The following PLPP2 variants were observed in gnomAD, a reference collection of about 807,000 sequenced individuals.
PLPP2 encodes the protein phospholipid phosphatase 2.
Under a neutral mutation model 35.2 loss-of-function variants are expected in PLPP2, and 29 were observed. The observed-to-expected ratio is 0.82, with a 90% CI of 0.61 to 1.12. The LOEUF is 1.12. Ranked by LOEUF, PLPP2 falls within the 50% of genes most tolerant of loss-of-function variation. The pLI is 0.00. For synonymous variants in PLPP2, 162 were observed against 167.0 expected (o/e 0.97, Z 0.23); for missense variants, 353 against 375.2 (o/e 0.94, Z 0.49).
In PLPP2 at chr19:287,818, G is replaced by C; in HGVS notation, c.205-67C>G. The C allele has an allele frequency of 1.2e-5, 19 of 1,581,956 alleles. No individual in the cohort carries two copies. The highest frequency in any genetic ancestry group is 1.5e-5 in the Non-Finnish European group (18 of 1,162,458). On this transcript the variant is annotated intron_variant, in intron 2 of 5. Transcript: ENST00000434325. The surrounding 1 kb of genome is among the most constrained non-coding windows in gnomAD (Gnocchi z 4.3). ...CCCAGGGGCCCTCACTCCTCCGCACGGGCCTCCCCAAGGCTGCTGGAGAGC... is the reference window on the plus strand; with the variant it reads ...CCCAGGGGCCCTCACTCCTCCGCACCGGCCTCCCCAAGGCTGCTGGAGAGC...
In PLPP2 at chr19:291,386, G is replaced by C; in HGVS notation, c.-50C>G. The stretch of plus-strand genomic sequence containing the variant: ...TCCCAGCGCGTCCCGTCGCGTCCCG[G>C]CCCGGCCGCGGAGTCACGTGGCGCG... On this transcript the variant is annotated 5_prime_UTR_variant, in exon 1 of 6. Transcript: ENST00000434325. 3.2e-6 allele frequency: 5 copies of C among 1,546,846 alleles called. No homozygotes were observed. The highest frequency in any genetic ancestry group is 3.0e-5 in the African/African-American group (2 of 66,728).
rs1970204100 is a variant in PLPP2 at position 282,689 on chromosome 19, C to T, written c.540+63G>A. On this transcript the variant is annotated intron_variant, in intron 4 of 5. Coordinates refer to ENST00000434325, the MANE Select transcript of PLPP2 (RefSeq NM_003712.4). ...TTTTACAGCTGGAAAAACTGAGGTC[C>T]AGGGAAGGGAGTGATTTAGCCATGG... The T allele has an allele frequency of 3.9e-6, 6 of 1,524,162 alleles. No homozygotes were observed. The Admixed American group carries it at 1.0e-4, about 26-fold the overall frequency. 94.4% of individuals were successfully genotyped at this position (1,524,162 alleles called of 1,614,324 possible).
chr19:289,883 C>T (rs900049895), intron 1 of PLPP2, among the ~76,000 whole-genome samples: 1 of 150,760 alleles, frequency 6.6e-6, no homozygotes. Flanking sequence ...TTACGAGATG[C>T]CCAGAAGGGA....
At chr19:282,026 G>A in intron 5 of PLPP2, 108 bp downstream of exon 5, 1 of 1,258,252 alleles carries the variant, frequency 7.9e-7, no homozygotes, top group East Asian at 2.4e-5. Context: ...ACAGGGAGGA[G>A]GCCCAAGGAA....
intron 3 of PLPP2, chr19:286,113 T>G (rs1343877435): frequency 6.8e-6 from 1 of 146,272 alleles, no homozygotes; most frequent in Non-Finnish European, 1.5e-5. Flanking sequence ...GAGCCAAGAT[T>G]GCACCACCGC....
intron 3 of PLPP2, chr19:285,435 G>GA (rs75499379): frequency 5.0e-4 from 72 of 142,756 alleles, no homozygotes; most frequent in African/African-American, 7.9e-4. Context: ...TCGTTTCAAA[G>GA]AAAAAAAAAA....
intron 1 of PLPP2, 169 bp from the exon 2 acceptor site, chr19:288,340 A>C: frequency 1.7e-6 from 1 of 573,900 alleles, no homozygotes; most frequent in South Asian, 3.2e-5. Flanking sequence ...CCCCTCAGAC[A>C]AACACAAACT....
intron 1 of PLPP2, among the ~76,000 whole-genome samples, chr19:290,023 C>T (rs1970354186): frequency 6.6e-6 from 1 of 152,180 alleles, no homozygotes; most frequent in Non-Finnish European, 1.5e-5. Context: ...GGGCTTCCCT[C>T]GGCCTGGAAA....
intron 1 of PLPP2, chr19:288,672 G>A (rs923664824): frequency 6.6e-6 from 1 of 152,632 alleles, no homozygotes; most frequent in African/African-American, 2.4e-5. Context: ...CCTGCTGACT[G>A]TCCATGCCAG....
At chr19:285,857 A>C (rs556870493) in intron 3 of PLPP2, 1 of 151,704 alleles carries the variant, frequency 6.6e-6, no homozygotes, top group Non-Finnish European at 1.5e-5. Flanking sequence ...CTAGCTACTC[A>C]GGAATCTGAG....
chr19:287,886 A>G lies in PLPP2; in HGVS notation c.204+134T>C. On this transcript the variant is annotated intron_variant, in intron 2 of 5. Transcript: ENST00000434325. The surrounding 1 kb of genome is among the most constrained non-coding windows in gnomAD (Gnocchi z 4.3). ...GCCCTATTACCCACAGGTACCACTC[A>G]GGGCAAGGCTGTGTCCCCCGGCCCC... The G allele has an allele frequency of 6.6e-7, 1 of 1,503,898 alleles. No individual in the cohort carries two copies. Among genetic ancestry groups the G allele is most frequent in the Non-Finnish European group, 9.0e-7 (1 of 1,114,868 alleles). 93.2% of individuals were successfully genotyped at this position (1,503,898 alleles called of 1,614,324 possible).
chr19:291,198 C>T (rs1408014060), intron 1 of PLPP2, 87 bp downstream of exon 1: 2 of 1,584,578 alleles, frequency 1.3e-6, no homozygotes, highest in Admixed American at 1.7e-5. Context: ...CGCGCAGCCT[C>T]CGCGTTCCCC....
At position 282,166 on chromosome 19, in the gene PLPP2, G is replaced by T. The variant is rs1399997740; in HGVS notation, c.685C>A (p.Leu229Ile). 1 of 1,613,716 alleles carries T rather than the reference G, an allele frequency of 6.2e-7. No individual in the cohort carries two copies. The highest frequency in any genetic ancestry group is 8.5e-7 in the Non-Finnish European group (1 of 1,179,814). Reference protein sequence around the residue: ...KHHWSDVLVGLLQGALVAALT... With the variant: ...KHHWSDVLVGILQGALVAALT... ...GCAGCCACCAGTGCCCCCTGCAGGA[G>T]GCCAACAAGGACATCGCTCCAGTGG... is the stretch of plus-strand genomic sequence containing the variant. Residue 229 changes from leucine (L) to isoleucine (I), a missense_variant, in exon 5 of 6, where the codon CTC becomes ATC. Transcript: ENST00000434325.
At chr19:282,094 C>G in intron 5 of PLPP2, 40 bp downstream of exon 5, 3 of 1,607,120 alleles carry the variant, frequency 1.9e-6, no homozygotes, top group Non-Finnish European at 2.5e-6. Context: ...GGAGTGGTCT[C>G]TGGACAACAC....
chr19:287,129 A>G lies in PLPP2; in HGVS notation c.482+345T>C, dbSNP rs2872117. On this transcript the variant is annotated intron_variant, in intron 3 of 5. Coordinates refer to ENST00000434325, the MANE Select transcript of PLPP2 (RefSeq NM_003712.4). The surrounding 1 kb of genome is among the most constrained non-coding windows in gnomAD (Gnocchi z 4.3). ...AAAAGAGAACCAGAATAGCTATGTT[A>G]ATATCAGACAAAACAGACATCAAGA... 8.4e-3 allele frequency: 1,974 copies of G among 236,200 alleles called. 42 individuals are homozygous for G. Among genetic ancestry groups the G allele is most frequent in the East Asian group, 0.055 (545 of 9,860 alleles). 14.6% of individuals were successfully genotyped at this position (236,200 alleles called of 1,614,324 possible). A position where few individuals can be genotyped will look rare whatever the true frequency, so the allele number is the denominator to read the frequency against.
chr19:287,271 A>T lies in PLPP2; in HGVS notation c.482+203T>A. The T allele has an allele frequency of 1.6e-6, 1 of 634,380 alleles. No individual in the cohort carries two copies. The highest frequency in any genetic ancestry group is 2.6e-6 in the Non-Finnish European group (1 of 378,448). 39.3% of individuals were successfully genotyped at this position (634,380 alleles called of 1,614,324 possible). Reference sequence around the variant, plus strand: ...GTACTAAACAACAGAACCCCAAAATACTTAAAGCAAAAACTGACAGAATGT... The same window carrying T: ...GTACTAAACAACAGAACCCCAAAATTCTTAAAGCAAAAACTGACAGAATGT... On this transcript the variant is annotated intron_variant, in intron 3 of 5. Transcript: ENST00000434325. The surrounding 1 kb of genome is among the most constrained non-coding windows in gnomAD (Gnocchi z 4.3).
Position 287,296 on chromosome 19 carries a change from T to A in PLPP2, c.482+178A>T. On this transcript the variant is annotated intron_variant, in intron 3 of 5. Transcript: ENST00000434325. This position sits in a 1 kb window ranked among gnomAD's most constrained non-coding sequence, Gnocchi z 4.3. ...ACTTAAAGCAAAAACTGACAGAATG[T>A]TACAACATGGATGAACTTCAAAAAC... 1 of 753,000 alleles carries A rather than the reference T, an allele frequency of 1.3e-6. No individual in the cohort carries two copies. Among genetic ancestry groups the A allele is most frequent in the South Asian group, 2.0e-5 (1 of 51,276 alleles). The allele number at this position is 753,000 out of a possible 1,614,324, so 46.6% of individuals were successfully genotyped here. A position where few individuals can be genotyped will look rare whatever the true frequency, so the allele number is the denominator to read the frequency against.
intron 3 of PLPP2, 179 bp from the exon 4 acceptor site, chr19:282,988 T>C (rs1600077629): frequency 4.8e-6 from 3 of 619,328 alleles, no homozygotes; most frequent in East Asian, 2.8e-5. Context: ...GGAATAAGAG[T>C]CTCTGACTGG....
In PLPP2 at chr19:291,343, C is replaced by T. The variant is rs201890297; in HGVS notation, c.-7G>A. 59 of 1,587,730 alleles carry T rather than the reference C, an allele frequency of 3.7e-5. No homozygotes were observed. The highest frequency in any genetic ancestry group is 3.5e-5 in the Admixed American group (2 of 57,752). On this transcript the variant is annotated 5_prime_UTR_variant, in exon 1 of 6. Transcript: ENST00000434325. ...AGACCCACCTCCGCTGCATGGTCCC[C>T]GCGACCCCCGACGCCGGTCCCAGCG...
Sources: gnomAD v4.1 joint callset for allele counts (sites outside exome capture counted in the v4.1 genomes callset) on GRCh38, gnomAD v4.1.1 for gene constraint, Gnocchi (gnomAD v3.1) non-coding constraint, MANE v1.5 for transcripts, NCBI Gene and HGNC (gene_info 2026-07-23, HGNC 2026-07-21) for gene names.